Variants in OCA2 observed in about 807,000 individuals in gnomAD.
OCA2 encodes the protein P protein.
OCA2 carries 77 observed loss-of-function variants against 100.2 expected under a neutral mutation model. The ratio of observed to expected loss-of-function variants is 0.77; its 90% CI spans 0.64 to 0.93. The LOEUF is 0.93. Among genes scored for constraint, OCA2 ranks in the 40% least tolerant of loss-of-function variants. OCA2 has a pLI of 0.00. For missense variants in OCA2, 1,062 were observed against 1,089.1 expected (o/e 0.98, Z 0.35); for synonymous variants, 432 against 439.2 (o/e 0.98, Z 0.21).
At position 27,870,687 on chromosome 15, in the gene OCA2, GGAAGGAAGGAAA is replaced by G. The variant is rs1336787294; in HGVS notation, c.2244+455_2244+466del. ...CGAAAGGAAGGAAGGAAGGAAAGAA[GGAAGGAAGGAAA>G]GAAGGAAGGAAGGAAGGAAGGAAAG... On this transcript the variant is annotated intron_variant, in intron 21 of 23. Transcript: ENST00000354638. Among the ~76,000 whole-genome samples, 41 of 90,908 alleles carry G rather than the reference GGAAGGAAGGAAA, an allele frequency of 4.5e-4. 1 individual carries two copies. The highest frequency in any genetic ancestry group is 1.8e-3 in the African/African-American group (29 of 16,274). The allele number at this position is 90,908 out of a possible 152,430, so 59.6% of individuals were successfully genotyped here.
chr15:27,883,252 A>T (rs1367838121), intron 19 of OCA2, among the ~76,000 whole-genome samples: 1 of 152,000 alleles, frequency 6.6e-6, no homozygotes, highest in Non-Finnish European at 1.5e-5. Flanking sequence ...AAACAGGAAA[A>T]CCACCCCGAG....
rs537749390 is a variant in OCA2 at position 28,046,566 on chromosome 15, A to AC, written c.228-14404dup. On this transcript the variant is annotated intron_variant, in intron 2 of 23. Transcript: ENST00000354638. ...TCTCCTACCATGCCCCATGGGCTGA[A>AC]CCCAGCCAGAAGCCACCAGGGAGCT... Among the ~76,000 whole-genome samples, 387 of 152,300 alleles carry AC rather than the reference A, an allele frequency of 2.5e-3. 1 individual carries two copies. Among genetic ancestry groups the AC allele is most frequent in the African/African-American group, 8.9e-3 (368 of 41,578 alleles).
chr15:28,090,436 C>CTA (rs1415142318), intron 1 of OCA2, among the ~76,000 whole-genome samples: 1 of 152,100 alleles, frequency 6.6e-6, no homozygotes, highest in African/African-American at 2.4e-5. Flanking sequence ...CCAAGATAGA[C>CTA]TACACTTTGG....
intron 23 of OCA2, among the ~76,000 whole-genome samples, chr15:27,785,183 A>G (rs2032748591): frequency 6.6e-6 from 1 of 152,220 alleles, no homozygotes; most frequent in Non-Finnish European, 1.5e-5. Context: ...TTGGAGTATT[A>G]GGAAAAAAAT....
chr15:27,893,606 A>T (rs2037558749), intron 19 of OCA2, among the ~76,000 whole-genome samples: 1 of 151,982 alleles, frequency 6.6e-6, no homozygotes, highest in South Asian at 2.1e-4. Context: ...ATAAACGGCC[A>T]CTCTGGGAAT....
At chr15:28,008,962 G>A (rs189065884) in intron 9 of OCA2, among the ~76,000 whole-genome samples, 30 of 152,318 alleles carry the variant, frequency 2.0e-4, no homozygotes, top group African/African-American at 7.0e-4. Context: ...TCCAGTTCTG[G>A]GGAAGCAGCT....
At chr15:27,965,835 A>T (rs555890881) in intron 15 of OCA2, among the ~76,000 whole-genome samples, 2 of 152,304 alleles carry the variant, frequency 1.3e-5, no homozygotes, top group South Asian at 4.1e-4. Flanking sequence ...ATTGTTCCTA[A>T]TATATTCTAA....
intron 23 of OCA2, among the ~76,000 whole-genome samples, chr15:27,829,301 A>ATAGATAGATAAATAGATAGT (rs2034860242): frequency 6.6e-6 from 1 of 151,060 alleles, no homozygotes; most frequent in Non-Finnish European, 1.5e-5. Flanking sequence ...AGATAGATAG[A>ATAGATAGATAAATAGATAGT]TAGATAGATA....
chr15:27,793,672 C>G (rs115219706), intron 23 of OCA2, among the ~76,000 whole-genome samples: 144 of 152,346 alleles, frequency 9.5e-4, no homozygotes, highest in African/African-American at 3.4e-3. Flanking sequence ...GAGTTTCACT[C>G]AACCTCAGGA....
rs116798375 is a variant in OCA2 at position 27,838,336 on chromosome 15, A to G, written c.2432+6623T>C. Among the ~76,000 whole-genome samples the G allele has an allele frequency of 3.9e-4, 60 of 152,352 alleles. No individual in the cohort carries two copies. In the South Asian group the frequency reaches 0.011, roughly 28 times the overall value. ...AAGGTGTTCCAGGAAGACTATAATC[A>G]AATGAAAATGTAATCAGGGGCATTA... On this transcript the variant is annotated intron_variant, in intron 23 of 23. Transcript: ENST00000354638.
intron 2 of OCA2, among the ~76,000 whole-genome samples, chr15:28,060,386 A>G (rs1188857592): frequency 6.6e-6 from 1 of 152,226 alleles, no homozygotes; most frequent in Non-Finnish European, 1.5e-5. Context: ...CTAGCTTGAA[A>G]TACAAAATGA....
At chr15:27,884,262 C>T (rs1266013390) in intron 19 of OCA2, among the ~76,000 whole-genome samples, 1 of 152,162 alleles carries the variant, frequency 6.6e-6, no homozygotes, top group East Asian at 1.9e-4. Context: ...CCTGTAGTCC[C>T]AGCTCCAGAG....
intron 21 of OCA2, among the ~76,000 whole-genome samples, chr15:27,851,920 A>G (rs977718924): frequency 6.6e-6 from 1 of 152,138 alleles, no homozygotes; most frequent in African/African-American, 2.4e-5. Flanking sequence ...AGGAGCACAG[A>G]TCTTGAAAGC....
intron 23 of OCA2, among the ~76,000 whole-genome samples, chr15:27,766,704 G>A (rs2031289825): frequency 2.0e-5 from 3 of 152,166 alleles, no homozygotes; most frequent in Non-Finnish European, 4.4e-5. Flanking sequence ...TACCAAGGCA[G>A]CCTCGCCTTT....
intron 1 of OCA2, among the ~76,000 whole-genome samples, chr15:28,086,013 C>T (rs745918833): frequency 3.9e-5 from 6 of 152,164 alleles, no homozygotes; most frequent in African/African-American, 7.2e-5. Context: ...TTACACAGTG[C>T]CTGGCCCCCA....
In OCA2 at chr15:27,985,208, G is replaced by C; in HGVS notation, c.1240-20C>G. The C allele has an allele frequency of 6.2e-7, 1 of 1,613,404 alleles. No individual in the cohort carries two copies. The highest frequency in any genetic ancestry group is 8.5e-7 in the Non-Finnish European group (1 of 1,179,912). On this transcript the variant is annotated intron_variant, in intron 12 of 23. Transcript: ENST00000354638. ...GTATGCCTGGCCACACACACACAGAGAGAGTACAAGCCAGAGTGAGCAGGC... is the reference window on the plus strand; with the variant it reads ...GTATGCCTGGCCACACACACACAGACAGAGTACAAGCCAGAGTGAGCAGGC...
intron 12 of OCA2, among the ~76,000 whole-genome samples, chr15:27,985,869 T>C (rs2041337485): frequency 6.6e-6 from 1 of 152,156 alleles, no homozygotes; most frequent in Admixed American, 6.5e-5. Context: ...ATTTTTGTAT[T>C]TTTAGTAGAG....
chr15:27,948,672 C>T (rs2039926216), intron 18 of OCA2, among the ~76,000 whole-genome samples: 1 of 151,992 alleles, frequency 6.6e-6, no homozygotes, highest in Admixed American at 6.6e-5. Flanking sequence ...TGCCATGTTG[C>T]CCAGGCCGGT....
At chr15:27,786,348 C>G (rs2032814974) in intron 23 of OCA2, among the ~76,000 whole-genome samples, 1 of 152,164 alleles carries the variant, frequency 6.6e-6, no homozygotes, top group South Asian at 2.1e-4. Context: ...AGGAACTGCA[C>G]TGACTCTACA....
Sources: allele counts gnomAD v4.1 joint callset (sites outside exome capture counted in the v4.1 genomes callset), GRCh38; gene constraint gnomAD v4.1.1; transcripts MANE v1.5; gene names NCBI Gene and HGNC (gene_info 2026-07-23, HGNC 2026-07-21).